ITPRIPL1: variants seen among roughly 807,000 people sequenced by gnomAD.
The protein encoded by ITPRIPL1 is ITPRIP like 1.
A neutral mutation model predicts 40.0 loss-of-function variants in ITPRIPL1; 28 were observed. The ratio of observed to expected loss-of-function variants is 0.70; its 90% CI spans 0.52 to 0.96. ITPRIPL1 has a LOEUF of 0.96. ITPRIPL1 is among the 40% of genes least tolerant of loss of function. The probability of loss-of-function intolerance (pLI) is 0.00; values close to 1 mark genes in which losing one functional copy is unlikely to be tolerated. For synonymous variants in ITPRIPL1, 251 were observed against 275.7 expected (o/e 0.91, Z 0.89); for missense variants, 638 against 698.0 (o/e 0.91, Z 0.97).
chr2:96,326,724 T>A lies in ITPRIPL1; in HGVS notation c.93T>A (p.Asp31Glu). 6.2e-7 allele frequency: 1 copy of A among 1,614,228 alleles called. No homozygotes were observed. Among genetic ancestry groups the A allele is most frequent in the Non-Finnish European group, 8.5e-7 (1 of 1,180,034 alleles). Residue 31 changes from aspartate to glutamate, a missense_variant, in exon 3 of 3, where the codon GAT (aspartate) becomes GAA (glutamate). By Grantham distance (45) the Asp-to-Glu change is conservative. Transcript: ENST00000439118. ...TTCACCACCCTCTGATGGTCAGTGA[T>A]CGGATGGACCTGGACACATTAGCCA... is the stretch of plus-strand genomic sequence containing the variant. ...YVVHHPLMVSDRMDLDTLARS... is the reference protein window; with the variant it reads ...YVVHHPLMVSERMDLDTLARS...
chr2:96,325,825 A>T lies in ITPRIPL1; in HGVS notation c.-15A>T. ...AGGCCCAGCTGGCTTCAGCGTCCAC[A>T]CGGCATAGTCCTTCATGAATGTTGG... On this transcript the variant is annotated 5_prime_UTR_variant, in exon 2 of 3. Coordinates refer to ENST00000439118, the MANE Select transcript of ITPRIPL1 (RefSeq NM_001008949.3). The T allele has an allele frequency of 6.2e-7, 1 of 1,613,076 alleles. No homozygotes were observed. The highest frequency in any genetic ancestry group is 1.1e-5 in the South Asian group (1 of 91,076).
chr2:96,326,721 T>C lies in ITPRIPL1; in HGVS notation c.90T>C (p.Ser30=). ...TTGTTCACCACCCTCTGATGGTCAG[T>C]GATCGGATGGACCTGGACACATTAG... ...MYVVHHPLMV[S]DRMDLDTLAR... The change falls in exon 3 of 3, where the codon AGT becomes AGC. Residue 30 remains serine, a synonymous_variant. Coordinates refer to ENST00000439118, the MANE Select transcript of ITPRIPL1 (RefSeq NM_001008949.3). 1 of 1,614,214 alleles carries C rather than the reference T, an allele frequency of 6.2e-7. No individual in the cohort carries two copies. Among genetic ancestry groups the C allele is most frequent in the South Asian group, 1.1e-5 (1 of 91,088 alleles).
chr2:96,326,246 A>G (rs1437505465), intron 2 of ITPRIPL1: 2 of 1,433,110 alleles, frequency 1.4e-6, no homozygotes, highest in Non-Finnish European at 1.8e-6. Context: ...CTTTCTGGCT[A>G]TAAAAGGGAG....
At chr2:96,326,393 A>T in intron 2 of ITPRIPL1, 1 of 1,531,910 alleles carries the variant, frequency 6.5e-7, no homozygotes, top group Non-Finnish European at 8.7e-7. Context: ...GGAAGCCTAA[A>T]TACCACCCAC....
In ITPRIPL1 at chr2:96,327,271, G is replaced by A. The variant is rs772989831; in HGVS notation, c.640G>A (p.Glu214Lys). ...CCGCCAAGAGGCTCACCCACAATTG[G>A]AAGACTGCCTGGGCATCGGGGCTGC... ...LSRQEAHPQL[E>K]DCLGIGAAFE... Residue 214 changes from glutamate to lysine, a missense_variant, in exon 3 of 3, where the codon GAA becomes AAA. By Grantham distance (56) the Glu-to-Lys change is moderately conservative. Transcript: ENST00000439118. 2 of 1,614,156 alleles carry A rather than the reference G, an allele frequency of 1.2e-6. No individual in the cohort carries two copies. Among genetic ancestry groups the A allele is most frequent in the East Asian group, 2.2e-5 (1 of 44,864 alleles).
At position 96,327,385 on chromosome 2, in the gene ITPRIPL1, G is replaced by A. The variant is rs761028391; in HGVS notation, c.754G>A (p.Glu252Lys). ...VPPQGTMFVL[E>K]MRDPALGRRC... is the part of the protein sequence containing the mutation. ...CCCACAGGGCACCATGTTTGTCCTGGAGATGAGGGACCCAGCCCTGGGCCG... is the reference window on the plus strand; with the variant it reads ...CCCACAGGGCACCATGTTTGTCCTGAAGATGAGGGACCCAGCCCTGGGCCG... The change falls in exon 3 of 3, where the codon GAG becomes AAG. Residue 252 changes from glutamate (E) to lysine (K), a missense_variant. Coordinates refer to ENST00000439118, the MANE Select transcript of ITPRIPL1 (RefSeq NM_001008949.3). 1 of 1,614,072 alleles carries A rather than the reference G, an allele frequency of 6.2e-7. No homozygotes were observed. The highest frequency in any genetic ancestry group is 8.5e-7 in the Non-Finnish European group (1 of 1,179,962).
In ITPRIPL1 at chr2:96,328,053, C is replaced by T; in HGVS notation, c.1422C>T (p.Leu474=). 6.2e-7 allele frequency: 1 copy of T among 1,614,190 alleles called. No individual in the cohort carries two copies. The highest frequency in any genetic ancestry group is 8.5e-7 in the Non-Finnish European group (1 of 1,180,040). ...DWAHNMLSQR[L]QDILWFLGRG... ...CCCACAACATGCTCTCTCAGCGGCT[C>T]CAGGACATTCTCTGGTTCTTGGGCC... Residue 474 remains leucine, a synonymous_variant, in exon 3 of 3, where the codon CTC becomes CTT. Coordinates refer to ENST00000439118, the MANE Select transcript of ITPRIPL1 (RefSeq NM_001008949.3).
At position 96,325,565 on chromosome 2, in the gene ITPRIPL1, G is replaced by T; in HGVS notation, c.-94G>T. 1 of 568,996 alleles carries T rather than the reference G, an allele frequency of 1.8e-6. No homozygotes were observed. The allele number at this position is 568,996 out of a possible 1,614,324, so 35.2% of individuals were successfully genotyped here. On this transcript the variant is annotated splice_region_variant and 5_prime_UTR_variant, in exon 1 of 3. Transcript: ENST00000439118. ...AGATCGTGTTCCTACTAACACTGAC[G>T]GTGAGTAACCTGGCCCTGGGTCCCG... is the stretch of plus-strand genomic sequence containing the variant.
Position 96,327,497 on chromosome 2 carries a change from A to G in ITPRIPL1, c.866A>G (p.His289Arg). 1 of 1,614,060 alleles carries G rather than the reference A, an allele frequency of 6.2e-7. No homozygotes were observed. Residue 289 changes from histidine (H) to arginine (R), a missense_variant, in exon 3 of 3, where the codon CAC becomes CGC. Coordinates refer to ENST00000439118, the MANE Select transcript of ITPRIPL1 (RefSeq NM_001008949.3). ...GACGTGCTGTGCCTGGTGCACCACCACAGGGACCCCTCGGCAGTCTTGGGG... is the reference window on the plus strand; with the variant it reads ...GACGTGCTGTGCCTGGTGCACCACCGCAGGGACCCCTCGGCAGTCTTGGGG... Reference protein sequence around the residue: ...LGDVLCLVHHHRDPSAVLGKC... With the variant: ...LGDVLCLVHHRRDPSAVLGKC...
rs1486146657 is a variant in ITPRIPL1, at chr2:96,325,917, C to A, written c.10+68C>A. On this transcript the variant is annotated intron_variant, in intron 2 of 2. Transcript: ENST00000439118. ...CGGGCTTCACGGGTGGGTGGGGAGG[C>A]AGTGGAACTGACCACTGCCGGCTGT... 5.8e-6 allele frequency: 9 copies of A among 1,552,582 alleles called. No homozygotes were observed. The East Asian group carries it at 9.0e-5, about 15-fold the overall frequency.
At position 96,325,800 on chromosome 2, in the gene ITPRIPL1, A is replaced by C. The variant is rs374951994; in HGVS notation, c.-40A>C. 2 of 1,612,250 alleles carry C rather than the reference A, an allele frequency of 1.2e-6. No homozygotes were observed. Among genetic ancestry groups the C allele is most frequent in the Non-Finnish European group, 1.7e-6 (2 of 1,178,392 alleles). On this transcript the variant is annotated 5_prime_UTR_variant, in exon 2 of 3. Transcript: ENST00000439118. Reference sequence around the variant, plus strand: ...CAAGGCCAAGTTCCAAAGGGAGGATAGGCCCAGCTGGCTTCAGCGTCCACA... The same window carrying C: ...CAAGGCCAAGTTCCAAAGGGAGGATCGGCCCAGCTGGCTTCAGCGTCCACA...
chr2:96,328,393 G>GAAA, downstream of ITPRIPL1: 2 of 1,300,682 alleles, frequency 1.5e-6, no homozygotes, highest in Non-Finnish European at 2.1e-6. Flanking sequence ...TGGTATATGT[G>GAAA]ACCTTCACCT....
At position 96,327,730 on chromosome 2, in the gene ITPRIPL1, G is replaced by C; in HGVS notation, c.1099G>C (p.Val367Leu). 6.2e-7 allele frequency: 1 copy of C among 1,613,364 alleles called. No homozygotes were observed. Among genetic ancestry groups the C allele is most frequent in the Non-Finnish European group, 8.5e-7 (1 of 1,179,660 alleles). Reference protein sequence around the residue: ...RSGRFLSIHLVLGVQREDTLV... With the variant: ...RSGRFLSIHLLLGVQREDTLV... ...AGGCCGCTTTCTCTCAATCCACTTG[G>C]TCCTGGGGGTGCAACGAGAAGACAC... Residue 367 changes from valine (V) to leucine (L), a missense_variant, in exon 3 of 3, where the codon GTC (valine) becomes CTC (leucine). By Grantham distance (32) the Val-to-Leu change is conservative. Coordinates refer to ENST00000439118, the MANE Select transcript of ITPRIPL1 (RefSeq NM_001008949.3).
chr2:96,325,770 C>G lies in ITPRIPL1; in HGVS notation c.-70C>G, dbSNP rs1404807854. 5 of 1,551,686 alleles carry G rather than the reference C, an allele frequency of 3.2e-6. No homozygotes were observed. The African/African-American group carries it at 6.8e-5, about 21-fold the overall frequency. ...AGGGCTCCTAGAGAGGGCGGGGAGACGAAGCAAGGCCAAGTTCCAAAGGGA... is the reference window on the plus strand; with the variant it reads ...AGGGCTCCTAGAGAGGGCGGGGAGAGGAAGCAAGGCCAAGTTCCAAAGGGA... On this transcript the variant is annotated 5_prime_UTR_variant, in exon 2 of 3. Transcript: ENST00000439118.
In ITPRIPL1 at chr2:96,327,076, C is replaced by G. The variant is rs748776142; in HGVS notation, c.445C>G (p.Arg149Gly). ...SSSEEEEEEVRVVPVTSYNWL... is the reference protein window; with the variant it reads ...SSSEEEEEEVGVVPVTSYNWL... ...CAGTGAGGAGGAGGAGGAGGAAGTC[C>G]GTGTTGTCCCTGTCACCTCTTACAA... Residue 149 changes from arginine (R) to glycine (G), a missense_variant, in exon 3 of 3, where the codon CGT becomes GGT. Arg to Gly is a moderately radical substitution (Grantham distance 125). Transcript: ENST00000439118. 1 of 1,614,028 alleles carries G rather than the reference C, an allele frequency of 6.2e-7. No homozygotes were observed.
At position 96,328,228 on chromosome 2, in the gene ITPRIPL1, G is replaced by A. The variant is rs775596378; in HGVS notation, c.1597G>A (p.Val533Met). ...CAACCCCAAGGCACATTCACAGGCA[G>A]TGGAAGAGTTCCAAAACCTTCTGAC... Reference protein sequence around the residue: ...VLNPKAHSQAVEEFQNLLTQV... With the variant: ...VLNPKAHSQAMEEFQNLLTQV... Residue 533 changes from valine (V) to methionine (M), a missense_variant, in exon 3 of 3, where the codon GTG (valine) becomes ATG (methionine). Transcript: ENST00000439118. 1.8e-5 allele frequency: 29 copies of A among 1,614,130 alleles called. No individual in the cohort carries two copies. The highest frequency in any genetic ancestry group is 2.5e-5 in the Non-Finnish European group (29 of 1,180,036).
Position 96,326,271 on chromosome 2 carries a change from A to T in ITPRIPL1, c.11-371A>T, listed in dbSNP as rs2104386441. 2.8e-6 allele frequency: 4 copies of T among 1,442,902 alleles called. No individual in the cohort carries two copies. The South Asian group carries it at 4.9e-5, about 18-fold the overall frequency. 89.4% of individuals were successfully genotyped at this position (1,442,902 alleles called of 1,614,324 possible). On this transcript the variant is annotated intron_variant, in intron 2 of 2. Transcript: ENST00000439118. Reference sequence around the variant, plus strand: ...ATAAAAGGGAGCCTCTGGGATCAGCAGGTCATATCTGGTGCCCATGGTTGA... The same window carrying T: ...ATAAAAGGGAGCCTCTGGGATCAGCTGGTCATATCTGGTGCCCATGGTTGA...
chr2:96,329,189 A>C (rs2064144089), downstream of ITPRIPL1: 1 of 113,618 alleles, frequency 8.8e-6, no homozygotes, highest in Non-Finnish European at 1.8e-5. Flanking sequence ...ATATATATAT[A>C]TATATCTCCA....
downstream of ITPRIPL1, chr2:96,329,657 T>C (rs2064147182): frequency 6.6e-6 from 1 of 152,032 alleles, no homozygotes; most frequent in Admixed American, 6.6e-5. Context: ...CTGCCAGGTT[T>C]GTATAGGAAA....
Sources: allele counts gnomAD v4.1 joint callset, GRCh38; gene constraint gnomAD v4.1.1; transcripts MANE v1.5; gene names NCBI Gene and HGNC (gene_info 2026-07-23, HGNC 2026-07-21).